Variants in MARCHF8 observed in about 807,000 individuals in gnomAD.
MARCHF8 encodes membrane associated ring-CH-type finger 8.
MARCHF8 carries 40 observed loss-of-function variants against 51.6 expected under a neutral mutation model. That is an observed-to-expected ratio of 0.77 (90% confidence interval 0.60 to 1.01). MARCHF8 has a LOEUF of 1.01. Among genes scored for constraint, MARCHF8 ranks in the 50% least tolerant of loss-of-function variants. The pLI is 0.00. For synonymous variants in MARCHF8, 263 were observed against 280.3 expected, an observed-to-expected ratio of 0.94 and a Z score of 0.62; for missense variants, 685 against 708.6, an observed-to-expected ratio of 0.97 and a Z score of 0.38.
At chr10:45,477,772 C>A (rs572069442) in intron 3 of MARCHF8, among the ~76,000 whole-genome samples, 1 of 152,234 alleles carries the variant, frequency 6.6e-6, no homozygotes, top group African/African-American at 2.4e-5. Flanking sequence ...ACTAGCTATA[C>A]CTATATCAGA....
Position 45,585,566 on chromosome 10 carries a change from T to C in MARCHF8, c.-79+8669A>G, listed in dbSNP as rs139629067. 8.3e-3 allele frequency among the ~76,000 whole-genome samples: 1,270 copies of C among 152,202 alleles called. 20 individuals carry two copies. The highest frequency in any genetic ancestry group is 0.029 in the African/African-American group (1,209 of 41,502). ...TAGAGATACAAATGTGGTAAAACTA[T>C]AGCAATGAAATAATAAAAACAAAAT... On this transcript the variant is annotated intron_variant, in intron 1 of 6. Transcript: ENST00000319836.
intron 2 of MARCHF8, among the ~76,000 whole-genome samples, chr10:45,510,667 T>C (rs540414644): frequency 1.3e-5 from 2 of 152,330 alleles, no homozygotes; most frequent in East Asian, 3.9e-4. Context: ...GTAATGTGAT[T>C]ATCTGTTTCC....
chr10:45,458,952 C>T (rs1331285373), intron 7 of MARCHF8, among the ~76,000 whole-genome samples, 168 bp downstream of exon 7: 1 of 152,204 alleles, frequency 6.6e-6, no homozygotes, highest in Non-Finnish European at 1.5e-5. Flanking sequence ...GTTTCAAAAA[C>T]TACCACCACA....
chr10:45,551,840 T>TACACACACACAC (rs139172803), intron 1 of MARCHF8, among the ~76,000 whole-genome samples: 1,686 of 148,520 alleles, frequency 0.011, 17 homozygotes, highest in Non-Finnish European at 0.014. Flanking sequence ...GGTATATCTG[T>TACACACACACAC]ACACACACAC....
intron 2 of MARCHF8, among the ~76,000 whole-genome samples, chr10:45,507,932 G>T (rs1271149869): frequency 2.6e-5 from 4 of 151,710 alleles, no homozygotes; most frequent in Non-Finnish European, 5.9e-5. Flanking sequence ...TTGGATTATT[G>T]ATCTGCCCTT....
intron 2 of MARCHF8, among the ~76,000 whole-genome samples, chr10:45,495,077 G>A (rs942104274): frequency 1.3e-5 from 2 of 151,240 alleles, no homozygotes; most frequent in East Asian, 1.9e-4. Flanking sequence ...CCGAGATCGC[G>A]CGACTGAACT....
At chr10:45,560,522 T>A (rs867574240) in intron 1 of MARCHF8, among the ~76,000 whole-genome samples, 16 of 152,188 alleles carry the variant, frequency 1.1e-4, no homozygotes, top group African/African-American at 3.4e-4. Context: ...TGTCATTAAA[T>A]CCGTGCTGAA....
At position 45,511,456 on chromosome 10, in the gene MARCHF8, G is replaced by C. The variant is rs144303183; in HGVS notation, c.102+21654C>G. 3.8e-3 allele frequency among the ~76,000 whole-genome samples: 573 copies of C among 152,234 alleles called. 12 individuals are homozygous for C. In the East Asian group the frequency reaches 0.052, roughly 14 times the overall value. ...CTTTCCACGGTCTCCCTCTGATGCC[G>C]AGCCGAAGCTGGACTGTACTGCTGC... is the stretch of plus-strand genomic sequence containing the variant. On this transcript the variant is annotated intron_variant, in intron 2 of 7. Transcript: ENST00000453424.
At chr10:45,482,237 A>AC (rs1368571538) in intron 3 of MARCHF8, among the ~76,000 whole-genome samples, 1 of 152,212 alleles carries the variant, frequency 6.6e-6, no homozygotes, top group Non-Finnish European at 1.5e-5. Flanking sequence ...TGACCATACT[A>AC]CCCAAAGCAA....
chr10:45,549,956 G>A (rs1014850904), intron 1 of MARCHF8, among the ~76,000 whole-genome samples: 1 of 152,128 alleles, frequency 6.6e-6, no homozygotes, highest in Non-Finnish European at 1.5e-5. Flanking sequence ...CCCCATCTCA[G>A]GTACTCTGTT....
chr10:45,484,990 G>C (rs566453688), intron 3 of MARCHF8, among the ~76,000 whole-genome samples: 2 of 152,334 alleles, frequency 1.3e-5, no homozygotes, highest in African/African-American at 4.8e-5. Flanking sequence ...CTGGGTGCTA[G>C]ATGGTTTGGG....
At chr10:45,491,432 G>A (rs567430858) in intron 2 of MARCHF8, among the ~76,000 whole-genome samples, 5 of 152,222 alleles carry the variant, frequency 3.3e-5, no homozygotes, top group African/African-American at 7.2e-5. Context: ...CAACTACTCC[G>A]GAGGCTGAGG....
At chr10:45,588,466 A>C (rs2044642050) in intron 1 of MARCHF8, among the ~76,000 whole-genome samples, 1 of 152,234 alleles carries the variant, frequency 6.6e-6, no homozygotes, top group African/African-American at 2.4e-5. Flanking sequence ...TAAATATAAA[A>C]GTTACCAGAA....
chr10:45,479,542 G>A (rs912659195), intron 3 of MARCHF8, among the ~76,000 whole-genome samples: 1 of 152,172 alleles, frequency 6.6e-6, no homozygotes, highest in Admixed American at 6.5e-5. Context: ...GACTCAGTGG[G>A]AGATAACTGA....
chr10:45,565,187 TTAGGAGGCC>T (rs1442337941), intron 1 of MARCHF8, among the ~76,000 whole-genome samples: 1 of 152,032 alleles, frequency 6.6e-6, no homozygotes, highest in Non-Finnish European at 1.5e-5. Flanking sequence ...TCCCAGCACT[TTAGGAGGCC>T]AAGGGGGGTG....
chr10:45,538,246 C>A (rs564966948), upstream of MARCHF8, among the ~76,000 whole-genome samples: 59 of 152,262 alleles, frequency 3.9e-4, no homozygotes, highest in African/African-American at 1.3e-3. Context: ...GAAATAAAAT[C>A]CTTTACAGAC....
At chr10:45,577,572 G>A (rs371586464) in intron 1 of MARCHF8, among the ~76,000 whole-genome samples, 10 of 152,076 alleles carry the variant, frequency 6.6e-5, no homozygotes, top group African/African-American at 2.4e-4. Context: ...CAGCCCTTTT[G>A]CCCTTCCACT....
chr10:45,564,606 C>CA (rs1246111767), intron 1 of MARCHF8, among the ~76,000 whole-genome samples: 1 of 151,884 alleles, frequency 6.6e-6, no homozygotes, highest in African/African-American at 2.4e-5. Flanking sequence ...CCAAATTTAG[C>CA]AAAAAATACT....
intron 3 of MARCHF8, among the ~76,000 whole-genome samples, chr10:45,466,121 C>T (rs920643864): frequency 3.3e-5 from 5 of 152,202 alleles, no homozygotes; most frequent in African/African-American, 9.7e-5. Context: ...CCATCACTGG[C>T]TCCACCTGCC....
Sources: gnomAD v4.1 joint callset for allele counts (sites outside exome capture counted in the v4.1 genomes callset) on GRCh38, gnomAD v4.1.1 for gene constraint, MANE v1.5 for transcripts, NCBI Gene and HGNC (gene_info 2026-07-23, HGNC 2026-07-21) for gene names.